CACNA1A: variants seen among roughly 807,000 people sequenced by gnomAD.
CACNA1A encodes the protein calcium voltage-gated channel subunit alpha1 A.
In CACNA1A, 57 loss-of-function variants were observed where a neutral mutation model predicts 262.4. The ratio of observed to expected loss-of-function variants is 0.22; its 90% CI spans 0.18 to 0.27. The LOEUF (loss-of-function observed/expected upper bound fraction) is 0.27. CACNA1A is among the 10% of genes least tolerant of loss of function. The pLI is 1.00. For missense variants in CACNA1A, 2,526 were observed against 3,562.8 expected (o/e 0.71, Z 7.41); for synonymous variants, 1,431 against 1,419.3 (o/e 1.01, Z -0.18).
intron 1 of CACNA1A, among the ~76,000 whole-genome samples, chr19:13,479,443 G>C (rs929235782): frequency 3.9e-5 from 6 of 152,118 alleles, no homozygotes; most frequent in African/African-American, 1.4e-4. Context: ...GTAGGACTGT[G>C]CCTGGTGTGT....
chr19:13,287,196 G>A (rs559721470), intron 19 of CACNA1A, among the ~76,000 whole-genome samples: 50 of 152,142 alleles, frequency 3.3e-4, no homozygotes, highest in Non-Finnish European at 5.9e-4. Context: ...TACAAAAAAT[G>A]TGTAAATTGA....
At chr19:13,255,701 T>TTCTCTCCCTCCC (rs2056531572) in intron 28 of CACNA1A, among the ~76,000 whole-genome samples, 1 of 65,894 alleles carries the variant, frequency 1.5e-5, no homozygotes, top group African/African-American at 6.3e-5. Context: ...TCCTCCCTCC[T>TTCTCTCCCTCCC]TCCTTCCCTC....
intron 4 of CACNA1A, chr19:13,366,242 G>A (rs1009772640): frequency 2.6e-5 from 4 of 152,208 alleles, no homozygotes; most frequent in African/African-American, 7.2e-5. Context: ...GATTACAGAC[G>A]TGAGTCTCCA....
At chr19:13,242,717 C>T (rs1288796705) in intron 31 of CACNA1A, among the ~76,000 whole-genome samples, 1 of 152,186 alleles carries the variant, frequency 6.6e-6, no homozygotes, top group Non-Finnish European at 1.5e-5. Flanking sequence ...GTTCTGTCTC[C>T]AGCACTTATA....
intron 2 of CACNA1A, among the ~76,000 whole-genome samples, chr19:13,454,418 T>C (rs1211227995): frequency 2.0e-5 from 3 of 152,042 alleles, no homozygotes; most frequent in African/African-American, 7.2e-5. Flanking sequence ...TTGCCCAGAC[T>C]GGAGTGCAAT....
At chr19:13,374,014 C>T (rs983021246) in intron 3 of CACNA1A, among the ~76,000 whole-genome samples, 3 of 152,176 alleles carry the variant, frequency 2.0e-5, no homozygotes, top group African/African-American at 7.2e-5. Flanking sequence ...GCCTGGGATA[C>T]CCCCTACTTC....
intron 3 of CACNA1A, among the ~76,000 whole-genome samples, chr19:13,412,669 G>A (rs2060132070): frequency 1.3e-5 from 2 of 151,912 alleles, no homozygotes; most frequent in African/African-American, 4.8e-5. Flanking sequence ...TAGAGACGGG[G>A]TTTCACCATG....
At chr19:13,318,900 T>TTTTTTTTTTTTTTTTTTTTTTTTG in intron 10 of CACNA1A, among the ~76,000 whole-genome samples, 1 of 147,370 alleles carries the variant, frequency 6.8e-6, no homozygotes, top group Non-Finnish European at 1.5e-5. Context: ...CTTTTTTTTT[T>TTTTTTTTTTTTTTTTTTTTTTTTG]TTTTTTGAGA....
intron 10 of CACNA1A, among the ~76,000 whole-genome samples, chr19:13,326,761 C>T (rs1038873659): frequency 1.1e-4 from 16 of 146,438 alleles, no homozygotes; most frequent in Non-Finnish European, 8.9e-5. Flanking sequence ...TGCACTCCAG[C>T]CTGAACATCA....
At chr19:13,415,531 G>T (rs1385818764) in intron 3 of CACNA1A, among the ~76,000 whole-genome samples, 24 of 151,452 alleles carry the variant, frequency 1.6e-4, no homozygotes, top group Admixed American at 1.6e-3. Context: ...ACTCAAGGTT[G>T]GGAGTTTGAG....
intron 1 of CACNA1A, among the ~76,000 whole-genome samples, chr19:13,475,993 G>A (rs562478795): frequency 7.3e-4 from 111 of 152,226 alleles, no homozygotes; most frequent in African/African-American, 2.5e-3. Flanking sequence ...ATAAGGAGGC[G>A]GGGACACAAC....
chr19:13,237,130 C>T (rs1044251024), intron 31 of CACNA1A, among the ~76,000 whole-genome samples: 4 of 152,090 alleles, frequency 2.6e-5, no homozygotes, highest in Non-Finnish European at 5.9e-5. Context: ...AGGGTCCTCA[C>T]GTTTTAGAAA....
intron 38 of CACNA1A, among the ~76,000 whole-genome samples, chr19:13,222,553 A>T (rs1406075918): frequency 1.3e-5 from 2 of 151,040 alleles, no homozygotes; most frequent in African/African-American, 4.9e-5. Context: ...GTGCCACCAC[A>T]CCCAGCTAAT....
rs1981797809 is a variant in CACNA1A at position 13,497,524 on chromosome 19, ATATATATATATATATATATATATAT to A, written c.293+8383_293+8407del. On this transcript the variant is annotated intron_variant, in intron 1 of 46. Transcript: ENST00000360228. Reference sequence around the variant, plus strand: ...AAAAAAAAAAAAAAAAAAAAAAAATATATATATATATATATATATATATATATATATATATATATATATATATATA... The same window carrying A: ...AAAAAAAAAAAAAAAAAAAAAAAATAATATATATATATATATATATATATA... 3.7e-3 allele frequency among the ~76,000 whole-genome samples: 4 copies of A among 1,086 alleles called. 2 individuals are homozygous for A. The highest frequency in any genetic ancestry group is 0.059 in the Admixed American group (2 of 34). The allele number at this position is 1,086 out of a possible 152,430, so 0.7% of individuals were successfully genotyped here.
chr19:13,458,964 A>G (rs551574861), intron 1 of CACNA1A, among the ~76,000 whole-genome samples: 5 of 152,104 alleles, frequency 3.3e-5, no homozygotes, highest in Non-Finnish European at 7.4e-5. Context: ...TTAGGGGTGG[A>G]TCATTCTCCT....
At chr19:13,490,295 C>A (rs1350073724) in intron 1 of CACNA1A, among the ~76,000 whole-genome samples, 1 of 152,132 alleles carries the variant, frequency 6.6e-6, no homozygotes, top group Non-Finnish European at 1.5e-5. Context: ...TTCCCAAAAG[C>A]CACACCACCG....
intron 30 of CACNA1A, among the ~76,000 whole-genome samples, chr19:13,246,646 GAC>G (rs895500125): frequency 2.6e-5 from 4 of 151,326 alleles, no homozygotes; most frequent in African/African-American, 9.7e-5. Flanking sequence ...TTTTTTTTGA[GAC>G]AGAGTCTCAC....
At chr19:13,461,864 G>T (rs2061130166) in intron 1 of CACNA1A, among the ~76,000 whole-genome samples, 1 of 152,154 alleles carries the variant, frequency 6.6e-6, no homozygotes, top group Admixed American at 6.5e-5. Flanking sequence ...GGGAGGAAAA[G>T]CTGGCTTCCG....
chr19:13,471,566 C>G (rs1360379862), intron 1 of CACNA1A, among the ~76,000 whole-genome samples: 2 of 152,202 alleles, frequency 1.3e-5, no homozygotes, highest in African/African-American at 4.8e-5. Context: ...GCCACTGTCC[C>G]TTCCCACAGA....
Sources: allele counts gnomAD v4.1 joint callset (sites outside exome capture counted in the v4.1 genomes callset), GRCh38; gene constraint gnomAD v4.1.1; transcripts MANE v1.5; gene names NCBI Gene and HGNC (gene_info 2026-07-23, HGNC 2026-07-21).